The following ANK2 variants were observed in gnomAD, a reference collection of about 807,000 sequenced individuals.
ANK2 encodes the protein ankyrin-2.
In ANK2, 83 loss-of-function variants were observed where a neutral mutation model predicts 360.5. The ratio of observed to expected loss-of-function variants is 0.23; its 90% CI spans 0.19 to 0.28. ANK2 has a LOEUF of 0.28. ANK2 is among the 10% of genes least tolerant of loss of function. The pLI is 1.00. For missense variants in ANK2, 4,201 were observed against 4,795.7 expected (o/e 0.88, Z 3.66); for synonymous variants, 1,740 against 1,759.5 (o/e 0.99, Z 0.28).
chr4:112,829,491 CAA>C (rs60272903), intron 1 of ANK2, among the ~76,000 whole-genome samples: 21 of 60,728 alleles, frequency 3.5e-4, no homozygotes, highest in African/African-American at 1.2e-3. Context: ...CCCATCTCTA[CAA>C]AAAAAAAAAA....
the ANK2 span, among the ~76,000 whole-genome samples, chr4:112,725,548 C>T: frequency 6.6e-6 from 1 of 151,682 alleles, no homozygotes; most frequent in South Asian, 2.1e-4. Flanking sequence ...TTAGTAGAAA[C>T]AGGGTTTCAC....
intron 24 of ANK2, among the ~76,000 whole-genome samples, chr4:113,316,007 A>G (rs2082787505): frequency 6.6e-6 from 1 of 152,030 alleles, no homozygotes; most frequent in Non-Finnish European, 1.5e-5. Context: ...AAAACAAATT[A>G]TCCATTCCAC....
In ANK2 at chr4:113,358,027, G is replaced by C. The variant is rs779273162; in HGVS notation, c.9409G>C (p.Glu3137Gln). 2.5e-6 allele frequency: 4 copies of C among 1,614,036 alleles called. No homozygotes were observed. Among genetic ancestry groups the C allele is most frequent in the Non-Finnish European group, 3.4e-6 (4 of 1,179,964 alleles). The change falls in exon 38 of 46, where the codon GAA becomes CAA. Residue 3137 changes from glutamate (E) to glutamine (Q), a missense_variant. Around this residue, in one of 4 missense-constraint regions of ANK2, gnomAD observed 2,642 missense variants for 2,714.5 expected, o/e 0.97. Coordinates refer to ENST00000357077, the MANE Select transcript of ANK2 (RefSeq NM_001148.6). ...ESFHFFQIGQ[E>Q]SREETLSEDV... ...TTTTCACTTTTTCCAAATTGGTCAA[G>C]AATCCAGGGAAGAGACTCTCTCTGA...
intron 22 of ANK2, among the ~76,000 whole-genome samples, chr4:113,294,918 T>C (rs1051701893): frequency 5.9e-5 from 9 of 152,200 alleles, no homozygotes; most frequent in Non-Finnish European, 1.2e-4. Context: ...TACACATATA[T>C]GCCACTTCAT....
intron 2 of ANK2, among the ~76,000 whole-genome samples, chr4:112,919,344 A>T (rs2090838331): frequency 6.6e-6 from 1 of 152,152 alleles, no homozygotes; most frequent in Non-Finnish European, 1.5e-5. Context: ...AATGTTAACT[A>T]TTTTTTAATG....
At chr4:112,754,083 G>A in the ANK2 span, among the ~76,000 whole-genome samples, 1 of 141,682 alleles carries the variant, frequency 7.1e-6, no homozygotes, top group Admixed American at 7.3e-5. Flanking sequence ...GGGCCACAGA[G>A]TGAGACTCTG....
intron 26 of ANK2, among the ~76,000 whole-genome samples, chr4:113,323,087 G>A (rs1045210470): frequency 6.6e-6 from 1 of 152,162 alleles, no homozygotes; most frequent in Admixed American, 6.5e-5. Flanking sequence ...TTTTACGGAA[G>A]AGCAGACTCA....
chr4:113,355,766 C>G lies in ANK2; in HGVS notation c.7148C>G (p.Pro2383Arg), dbSNP rs35960628. The change falls in exon 38 of 46, where the codon CCG becomes CGG. Residue 2383 changes from proline to arginine, a missense_variant. Pro to Arg is a moderately radical substitution (Grantham distance 103). Coordinates refer to ENST00000357077, the MANE Select transcript of ANK2 (RefSeq NM_001148.6). Reference protein sequence around the residue: ...TATSDETKALPLPEASVKTDT... With the variant: ...TATSDETKALRLPEASVKTDT... ...ACCTCAGACGAGACAAAGGCCTTGC[C>G]GCTGCCTGAGGCTTCTGTAAAGACA... 2 of 1,614,088 alleles carry G rather than the reference C, an allele frequency of 1.2e-6. No homozygotes were observed. Among genetic ancestry groups the G allele is most frequent in the Admixed American group, 3.3e-5 (2 of 60,012 alleles).
At chr4:112,874,611 C>A (rs1446022219) in intron 1 of ANK2, among the ~76,000 whole-genome samples, 1 of 137,786 alleles carries the variant, frequency 7.3e-6, no homozygotes, top group Admixed American at 7.8e-5. Flanking sequence ...CACTGCACTC[C>A]AGCTGGGTGC....
At chr4:112,881,698 G>T in intron 1 of ANK2, 1 of 500,004 alleles carries the variant, frequency 2.0e-6, no homozygotes, top group South Asian at 2.6e-5. Context: ...CACAGTTCTC[G>T]AGTTTTTTGC....
At chr4:113,086,122 T>C (rs985755917) in intron 1 of ANK2, among the ~76,000 whole-genome samples, 1 of 152,126 alleles carries the variant, frequency 6.6e-6, no homozygotes, top group African/African-American at 2.4e-5. Context: ...ATAACAGAAA[T>C]CATATCTTTA....
At chr4:113,180,736 A>G (rs1054447635) in intron 2 of ANK2, among the ~76,000 whole-genome samples, 12 of 152,382 alleles carry the variant, frequency 7.9e-5, no homozygotes, top group African/African-American at 2.9e-4. Context: ...ATAGGGGAGA[A>G]TTAAATTCAT....
chr4:112,933,295 T>C (rs1016244543), intron 2 of ANK2, among the ~76,000 whole-genome samples: 4 of 152,330 alleles, frequency 2.6e-5, no homozygotes, highest in Admixed American at 2.6e-4. Context: ...GTGTTCACTT[T>C]ACAAGTCTCC....
chr4:113,332,032 C>T lies in ANK2; in HGVS notation c.3186C>T (p.Arg1062=). Reference sequence around the variant, plus strand: ...ATGAGGGAGAAAGTTTGGTCAGCCGCATTCTTCAGCTGGGGCCTCCTGGAA... The same window carrying T: ...ATGAGGGAGAAAGTTTGGTCAGCCGTATTCTTCAGCTGGGGCCTCCTGGAA... ...PLNEGESLVS[R]ILQLGPPGTK... Residue 1062 remains arginine, a synonymous_variant, in exon 28 of 46, where the codon CGC becomes CGT. Coordinates refer to ENST00000357077, the MANE Select transcript of ANK2 (RefSeq NM_001148.6). 6.2e-7 allele frequency: 1 copy of T among 1,614,182 alleles called. No individual in the cohort carries two copies. The highest frequency in any genetic ancestry group is 8.5e-7 in the Non-Finnish European group (1 of 1,180,028).
chr4:113,255,820 A>C lies in ANK2; in HGVS notation c.1076A>C (p.Asp359Ala). Residue 359 changes from aspartate to alanine, a missense_variant, in exon 11 of 46, where the codon GAT becomes GCT. Coordinates refer to ENST00000357077, the MANE Select transcript of ANK2 (RefSeq NM_001148.6). ...CTGTTACAGCACAAGGCACCTGTTG[A>C]TGATGTCACCCTAGACTACCTGACA... ...KHLLQHKAPV[D>A]DVTLDYLTAL... 4 of 1,614,222 alleles carry C rather than the reference A, an allele frequency of 2.5e-6. No individual in the cohort carries two copies. The highest frequency in any genetic ancestry group is 2.5e-6 in the Non-Finnish European group (3 of 1,180,038).
At chr4:112,729,161 A>G in the ANK2 span, among the ~76,000 whole-genome samples, 11 of 151,972 alleles carry the variant, frequency 7.2e-5, 1 homozygote, top group Admixed American at 7.2e-4. Flanking sequence ...TTGCCCCACT[A>G]CACTCCAGCC....
At chr4:112,899,241 G>A (rs1223827120) in intron 1 of ANK2, among the ~76,000 whole-genome samples, 1 of 152,154 alleles carries the variant, frequency 6.6e-6, no homozygotes, top group African/African-American at 2.4e-5. Flanking sequence ...TGTGACATTA[G>A]TAATTAGGAT....
At chr4:112,727,917 C>T in the ANK2 span, among the ~76,000 whole-genome samples, 1 of 151,980 alleles carries the variant, frequency 6.6e-6, no homozygotes, top group East Asian at 1.9e-4. Flanking sequence ...GCGGACGTTG[C>T]GGTGAGCCGA....
chr4:112,787,336 CTA>C, the ANK2 span, among the ~76,000 whole-genome samples: 5 of 152,192 alleles, frequency 3.3e-5, no homozygotes, highest in Non-Finnish European at 1.5e-5. Context: ...GATAAACCCT[CTA>C]TTCAGGGTAG....
Sources: allele counts gnomAD v4.1 joint callset (sites outside exome capture counted in the v4.1 genomes callset), GRCh38; gene constraint gnomAD v4.1.1; regional missense constraint gnomAD v4.1.1; transcripts MANE v1.5; gene names NCBI Gene and HGNC (gene_info 2026-07-23, HGNC 2026-07-21).